PEPD: variants seen among roughly 807,000 people sequenced by gnomAD.
PEPD encodes peptidase D, also known as xaa-Pro dipeptidase.
In PEPD, 53 loss-of-function variants were observed where a neutral mutation model predicts 60.7. The observed-to-expected ratio is 0.87, with a 90% CI of 0.70 to 1.10. The LOEUF (loss-of-function observed/expected upper bound fraction) is 1.10. Ranked by LOEUF, PEPD falls within the 50% of genes least tolerant of loss-of-function variation. The pLI is 0.00. For missense variants in PEPD, 711 were observed against 711.9 expected (o/e 1.00, Z 0.01); for synonymous variants, 267 against 284.1 (o/e 0.94, Z 0.60).
At chr19:33,400,582 G>A (rs1159821415) in intron 12 of PEPD, among the ~76,000 whole-genome samples, 1 of 152,226 alleles carries the variant, frequency 6.6e-6, no homozygotes, top group Non-Finnish European at 1.5e-5. Context: ...AGTCAGAGTC[G>A]TGGGAGCCAT....
intron 7 of PEPD, among the ~76,000 whole-genome samples, chr19:33,476,548 C>G (rs1386406441): frequency 6.6e-6 from 1 of 152,206 alleles, no homozygotes; most frequent in East Asian, 1.9e-4. Context: ...CAGATCTGTC[C>G]TGCCACAGCC....
chr19:33,519,792 G>A (rs901564315), intron 1 of PEPD, among the ~76,000 whole-genome samples: 2 of 152,166 alleles, frequency 1.3e-5, no homozygotes, highest in African/African-American at 2.4e-5. Context: ...GGGGCCAGGC[G>A]TGGTGGCTCA....
intron 9 of PEPD, among the ~76,000 whole-genome samples, chr19:33,425,275 C>A (rs533296657): frequency 6.7e-6 from 1 of 150,342 alleles, no homozygotes; most frequent in Admixed American, 6.6e-5. Context: ...CCAGCCTGGG[C>A]GACAGAGTGA....
intron 12 of PEPD, among the ~76,000 whole-genome samples, chr19:33,393,075 C>G (rs945420117): frequency 6.6e-6 from 1 of 150,378 alleles, no homozygotes; most frequent in Non-Finnish European, 1.5e-5. Flanking sequence ...AGACCTGCCC[C>G]CACCCCCCAC....
intron 6 of PEPD, among the ~76,000 whole-genome samples, chr19:33,479,083 CAT>C (rs1970270813): frequency 6.6e-6 from 1 of 151,992 alleles, no homozygotes; most frequent in Non-Finnish European, 1.5e-5. Context: ...GAAAAGGAGA[CAT>C]ATAGGGGCAA....
At chr19:33,396,782 C>T (rs1355073519) in intron 12 of PEPD, among the ~76,000 whole-genome samples, 6 of 151,992 alleles carry the variant, frequency 3.9e-5, no homozygotes, top group Admixed American at 2.0e-4. Context: ...GGCTTGCAGG[C>T]GGAGGGCATG....
chr19:33,515,126 C>A (rs989444880), intron 1 of PEPD, among the ~76,000 whole-genome samples: 1 of 152,220 alleles, frequency 6.6e-6, no homozygotes, highest in Non-Finnish European at 1.5e-5. Context: ...CGTGCCCTCG[C>A]CTGGTGCCTT....
At chr19:33,510,621 C>T (rs1285704984) in intron 3 of PEPD, among the ~76,000 whole-genome samples, 3 of 152,188 alleles carry the variant, frequency 2.0e-5, no homozygotes, top group Non-Finnish European at 4.4e-5. Flanking sequence ...GCCATGTTGC[C>T]AGGAACATGT....
chr19:33,419,277 C>A (rs1968959491), intron 9 of PEPD, among the ~76,000 whole-genome samples: 1 of 152,218 alleles, frequency 6.6e-6, no homozygotes. Flanking sequence ...TCAGCTCCTG[C>A]CAGGGAGCCC....
At chr19:33,521,697 C>T in intron 1 of PEPD, 47 bp downstream of exon 1, 1 of 1,558,328 alleles carries the variant, frequency 6.4e-7, no homozygotes. Context: ...GACACCCATG[C>T]CCCTCTCCAC....
intron 12 of PEPD, among the ~76,000 whole-genome samples, chr19:33,396,709 T>TG (rs951097523): frequency 5.4e-4 from 8 of 14,828 alleles, no homozygotes; most frequent in Middle Eastern, 0.026. Flanking sequence ...CCAGGGAGGG[T>TG]GGGGGGGTGA....
chr19:33,392,326 G>C (rs1380637122), intron 12 of PEPD, among the ~76,000 whole-genome samples: 1 of 152,238 alleles, frequency 6.6e-6, no homozygotes, highest in Non-Finnish European at 1.5e-5. Context: ...TCTCCACGTA[G>C]AGCCTCAGCA....
intron 9 of PEPD, among the ~76,000 whole-genome samples, chr19:33,461,968 A>G (rs1395748088): frequency 6.6e-6 from 1 of 152,216 alleles, no homozygotes; most frequent in East Asian, 1.9e-4. Flanking sequence ...CTGACTGCTC[A>G]GAACTCCTTC....
At chr19:33,437,829 A>G (rs142436687) in intron 9 of PEPD, among the ~76,000 whole-genome samples, 1,690 of 152,258 alleles carry the variant, frequency 0.011, 25 homozygotes, top group South Asian at 0.071. Context: ...CGTGCAGTTC[A>G]GGCCATTTTT....
intron 9 of PEPD, among the ~76,000 whole-genome samples, chr19:33,460,054 T>G (rs1969898317): frequency 6.6e-6 from 1 of 152,152 alleles, no homozygotes; most frequent in African/African-American, 2.4e-5. Flanking sequence ...TGGTAGCAGT[T>G]GAGCCTGTGT....
Position 33,496,526 on chromosome 19 carries a change from C to T in PEPD, c.394-3189G>A, listed in dbSNP as rs1218568217. On this transcript the variant is annotated intron_variant, in intron 4 of 14. Transcript: ENST00000244137. ...TGGAGACCCATTAGTGCTACGCTCT[C>T]ATCAGCACACCCTGACTCCGTGCCT... is the stretch of plus-strand genomic sequence containing the variant. Among the ~76,000 whole-genome samples the T allele has an allele frequency of 2.6e-5, 4 of 152,330 alleles. No homozygotes were observed. In the East Asian group the frequency reaches 7.7e-4, roughly 29 times the overall value.
chr19:33,472,177 A>C lies in PEPD; in HGVS notation c.548+5869T>G, dbSNP rs78387852. ...ACTCCATCTCAAAAAAAAAAAAAAA[A>C]ATCAGCTAGGCATGGGAGTGTGCAC... On this transcript the variant is annotated intron_variant, in intron 7 of 14. Transcript: ENST00000244137. 5.8e-5 allele frequency among the ~76,000 whole-genome samples: 8 copies of C among 138,880 alleles called. No individual in the cohort carries two copies. The South Asian group carries it at 1.8e-3, about 31-fold the overall frequency. 91.1% of individuals were successfully genotyped at this position (138,880 alleles called of 152,430 possible).
At chr19:33,498,277 A>G (rs1419720351) in intron 4 of PEPD, among the ~76,000 whole-genome samples, 3 of 152,178 alleles carry the variant, frequency 2.0e-5, no homozygotes, top group Non-Finnish European at 4.4e-5. Context: ...AAGAGATTCT[A>G]GCCTTTGAAC....
At chr19:33,433,897 T>A (rs1235066765) in intron 9 of PEPD, among the ~76,000 whole-genome samples, 1 of 152,238 alleles carries the variant, frequency 6.6e-6, no homozygotes, top group Admixed American at 6.5e-5. Flanking sequence ...CATTTTGGTG[T>A]GTGTGTGCAA....
Sources: allele counts gnomAD v4.1 joint callset (sites outside exome capture counted in the v4.1 genomes callset), GRCh38; gene constraint gnomAD v4.1.1; transcripts MANE v1.5; gene names NCBI Gene and HGNC (gene_info 2026-07-23, HGNC 2026-07-21).